MEI1: variants seen among roughly 807,000 people sequenced by gnomAD.
MEI1 encodes meiosis inhibitor protein 1.
A neutral mutation model predicts 146.2 loss-of-function variants in MEI1; 103 were observed. The ratio of observed to expected loss-of-function variants is 0.70; its 90% CI spans 0.60 to 0.83. The LOEUF is 0.83. MEI1 is among the 40% of genes least tolerant of loss of function. The pLI, the probability that MEI1 is intolerant of heterozygous loss-of-function variation, is 0.00. For synonymous variants in MEI1, 652 were observed against 628.2 expected, an observed-to-expected ratio of 1.04 and a Z score of -0.57; for missense variants, 1,529 against 1,533.0, an observed-to-expected ratio of 1.00 and a Z score of 0.04.
At chr22:41,704,286 A>G (rs757779911) in intron 2 of MEI1, among the ~76,000 whole-genome samples, 6 of 152,224 alleles carry the variant, frequency 3.9e-5, no homozygotes, top group Non-Finnish European at 7.3e-5. Context: ...TAAGGGAGCT[A>G]GGATGATCTC....
chr22:41,747,685 CAG>C (rs959438994), intron 14 of MEI1, among the ~76,000 whole-genome samples: 3 of 151,806 alleles, frequency 2.0e-5, no homozygotes, highest in Admixed American at 6.6e-5. Context: ...GCCTGGGTGA[CAG>C]AGCAAGACTC....
chr22:41,701,718 A>G (rs977431998), intron 1 of MEI1, among the ~76,000 whole-genome samples: 1 of 152,184 alleles, frequency 6.6e-6, no homozygotes, highest in Admixed American at 6.5e-5. Flanking sequence ...AAGAATGAAC[A>G]TGTTTGTAGT....
rs551093357 is a variant in MEI1 at position 41,725,988 on chromosome 22, T to G, written c.864+1915T>G. Among the ~76,000 whole-genome samples, 3 of 152,106 alleles carry G rather than the reference T, an allele frequency of 2.0e-5. No homozygotes were observed. The South Asian group carries it at 6.2e-4, about 32-fold the overall frequency. On this transcript the variant is annotated intron_variant, in intron 7 of 30. Transcript: ENST00000401548. ...GAGGAGGAGGAGCTCTGGTTAGAAG[T>G]GAGAAGGGAGGCCGGGTGCAGTGGC...
At chr22:41,744,001 C>T (rs1403595287) in intron 12 of MEI1, among the ~76,000 whole-genome samples, 11 of 151,918 alleles carry the variant, frequency 7.2e-5, no homozygotes, top group South Asian at 2.1e-4. Context: ...CTCAGCCTCC[C>T]GAGTAGCTGG....
intron 11 of MEI1, among the ~76,000 whole-genome samples, chr22:41,739,173 G>A (rs757281752): frequency 2.0e-5 from 3 of 151,808 alleles, no homozygotes; most frequent in African/African-American, 4.8e-5. Context: ...GCGTGGTGGC[G>A]AGTGCCTGTA....
chr22:41,748,683 T>A (rs181055426), intron 15 of MEI1, among the ~76,000 whole-genome samples: 3 of 152,342 alleles, frequency 2.0e-5, no homozygotes, highest in Admixed American at 6.5e-5. Context: ...TTGTCTATTA[T>A]GATTGTACTC....
chr22:41,754,574 C>T (rs1290949991), intron 17 of MEI1, among the ~76,000 whole-genome samples: 1 of 152,112 alleles, frequency 6.6e-6, no homozygotes, highest in Non-Finnish European at 1.5e-5. Context: ...GCTGGGATTA[C>T]AGGCTCCTGC....
chr22:41,756,990 A>G (rs1194649611), intron 17 of MEI1, among the ~76,000 whole-genome samples: 3 of 152,246 alleles, frequency 2.0e-5, no homozygotes, highest in South Asian at 2.1e-4. Context: ...CTGAATGGAA[A>G]CATGGCATGT....
At chr22:41,737,972 A>G (rs933048676) in intron 11 of MEI1, among the ~76,000 whole-genome samples, 4 of 152,232 alleles carry the variant, frequency 2.6e-5, no homozygotes, top group Admixed American at 1.3e-4. Context: ...TTTTGTTACC[A>G]TATTTTCTCT....
At position 41,731,110 on chromosome 22, in the gene MEI1, A is replaced by G. The variant is rs546487402; in HGVS notation, c.1096+473A>G. On this transcript the variant is annotated intron_variant, in intron 9 of 30. Coordinates refer to ENST00000401548, the MANE Select transcript of MEI1 (RefSeq NM_152513.4). ...ACCCTGTCACCCAGGCTGGAGTACA[A>G]TGGCGTGATCTCGGCTCACTGCCAC... 3.3e-5 allele frequency among the ~76,000 whole-genome samples: 5 copies of G among 149,930 alleles called. No individual in the cohort carries two copies. The South Asian group carries it at 8.4e-4, about 25-fold the overall frequency.
rs1182311137 is a variant in MEI1 at position 41,776,204 on chromosome 22, C to T, written c.2647C>T (p.Arg883Ter). 11 of 1,613,810 alleles carry T rather than the reference C, an allele frequency of 6.8e-6. No homozygotes were observed. The highest frequency in any genetic ancestry group is 1.6e-4 in the Middle Eastern group (1 of 6,078). ...NEDIQVGGLIRGHFLLILQRL... is the reference protein window; with the variant it reads ...NEDIQVGGLI Reference sequence around the variant, plus strand: ...GGATATCCAAGTGGGCGGTCTTATCCGAGGCCACTTCCTGCTGATCCTGCA... The same window carrying T: ...GGATATCCAAGTGGGCGGTCTTATCTGAGGCCACTTCCTGCTGATCCTGCA... Residue 883 changes from arginine (R) to a stop codon, truncating the protein, a stop_gained, in exon 21 of 31, where the codon CGA becomes TGA. Transcript: ENST00000401548. LOFTEE classifies it high-confidence loss of function.
chr22:41,716,180 T>TTTTA, intron 5 of MEI1, 34 bp downstream of exon 5: 1 of 1,395,332 alleles, frequency 7.2e-7, no homozygotes, highest in African/African-American at 1.4e-5. Flanking sequence ...GCCACTACCC[T>TTTTA]TTTACCTGCT....
At chr22:41,763,789 A>T (rs1249775294) in intron 19 of MEI1, among the ~76,000 whole-genome samples, 1 of 151,818 alleles carries the variant, frequency 6.6e-6, no homozygotes, top group Non-Finnish European at 1.5e-5. Flanking sequence ...AAAAAACAAC[A>T]ACTCTTTGGT....
At chr22:41,778,854 G>A in intron 22 of MEI1, 42 bp downstream of exon 22, 1 of 1,431,210 alleles carries the variant, frequency 7.0e-7, no homozygotes, top group Non-Finnish European at 9.7e-7. Flanking sequence ...GCCCAGGGCT[G>A]GACGTGCAGT....
At chr22:41,792,864 A>G (rs2076226278) in intron 26 of MEI1, among the ~76,000 whole-genome samples, 1 of 151,648 alleles carries the variant, frequency 6.6e-6, no homozygotes. Context: ...CTAATGATAA[A>G]TATTTTCATG....
At chr22:41,778,617 T>G in intron 21 of MEI1, 91 bp from the exon 22 acceptor site, 2 of 944,152 alleles carry the variant, frequency 2.1e-6, no homozygotes, top group Non-Finnish European at 3.3e-6. Context: ...TTTGAACCTG[T>G]TATTAAGGGC....
chr22:41,782,208 C>T (rs746524856), intron 24 of MEI1, among the ~76,000 whole-genome samples: 6 of 152,122 alleles, frequency 3.9e-5, no homozygotes, highest in Non-Finnish European at 8.8e-5. Flanking sequence ...GTAGAGAGAA[C>T]AATATGAGCA....
At position 41,748,121 on chromosome 22, in the gene MEI1, G is replaced by C. The variant is rs769692920; in HGVS notation, c.1695G>C (p.Gln565His). 4 of 1,613,736 alleles carry C rather than the reference G, an allele frequency of 2.5e-6. No individual in the cohort carries two copies. Among genetic ancestry groups the C allele is most frequent in the Non-Finnish European group, 3.4e-6 (4 of 1,179,676 alleles). The change falls in exon 15 of 31, where the codon CAG becomes CAC. Residue 565 changes from glutamine (Q) to histidine (H), a missense_variant. Transcript: ENST00000401548. ...CIPMVMRHLEQTTHPALMEVF... is the reference protein window; with the variant it reads ...CIPMVMRHLEHTTHPALMEVF... Reference sequence around the variant, plus strand: ...GTTCTTTGCAGAGACACTTGGAGCAGACCACCCACCCAGCTTTGATGGAAG... The same window carrying C: ...GTTCTTTGCAGAGACACTTGGAGCACACCACCCACCCAGCTTTGATGGAAG...
At chr22:41,738,052 C>A (rs1032874363) in intron 11 of MEI1, among the ~76,000 whole-genome samples, 1 of 152,018 alleles carries the variant, frequency 6.6e-6, no homozygotes, top group Non-Finnish European at 1.5e-5. Flanking sequence ...CGGTGGCTCA[C>A]GCCTGTAATC....
Sources: allele counts gnomAD v4.1 joint callset (sites outside exome capture counted in the v4.1 genomes callset), GRCh38; gene constraint gnomAD v4.1.1; transcripts MANE v1.5; gene names NCBI Gene and HGNC (gene_info 2026-07-23, HGNC 2026-07-21).